TJP2: variants seen among roughly 807,000 people sequenced by gnomAD.
The protein encoded by TJP2 is Friedreich ataxia region gene X104 (tight junction protein ZO-2).
TJP2 carries 91 observed loss-of-function variants against 133.1 expected under a neutral mutation model. The ratio of observed to expected loss-of-function variants is 0.68; its 90% CI spans 0.58 to 0.81. TJP2 has a LOEUF of 0.81. Among genes scored for constraint, TJP2 ranks in the 40% least tolerant of loss-of-function variants. The probability of loss-of-function intolerance (pLI) is 0.00; values close to 1 mark genes in which losing one functional copy is unlikely to be tolerated. For missense variants in TJP2, 1,541 were observed against 1,565.6 expected (o/e 0.98, Z 0.26); for synonymous variants, 592 against 583.4 (o/e 1.01, Z -0.21).
At chr9:69,209,476 G>A (rs372601234) in intron 1 of TJP2, among the ~76,000 whole-genome samples, 3 of 152,202 alleles carry the variant, frequency 2.0e-5, no homozygotes, top group African/African-American at 7.2e-5. Flanking sequence ...CTTTTTGGCC[G>A]GGCGTAGTGG....
chr9:69,121,336 G>C, upstream of TJP2: 1 of 985,266 alleles, frequency 1.0e-6, no homozygotes, highest in Non-Finnish European at 1.2e-6. Flanking sequence ...GGGCTCGCGC[G>C]CCCAGAACCC....
chr9:69,197,684 T>C (rs1425960864), intron 1 of TJP2, among the ~76,000 whole-genome samples: 1 of 151,442 alleles, frequency 6.6e-6, no homozygotes, highest in Non-Finnish European at 1.5e-5. Flanking sequence ...AGCATTACTT[T>C]ATTCAGTTCT....
intron 1 of TJP2, among the ~76,000 whole-genome samples, chr9:69,149,545 A>G (rs1823370957): frequency 6.6e-6 from 1 of 152,108 alleles, no homozygotes; most frequent in Admixed American, 6.6e-5. Context: ...TTTCTATTTC[A>G]TCGTGTAGGG....
chr9:69,132,413 A>G (rs1822535016), intron 1 of TJP2, among the ~76,000 whole-genome samples: 1 of 152,084 alleles, frequency 6.6e-6, no homozygotes, highest in Non-Finnish European at 1.5e-5. Flanking sequence ...GCAGGTGAGG[A>G]TGGTGGTGGG....
intron 1 of TJP2, among the ~76,000 whole-genome samples, chr9:69,142,396 T>C (rs1223813478): frequency 3.3e-5 from 5 of 152,194 alleles, no homozygotes; most frequent in Non-Finnish European, 7.3e-5. Flanking sequence ...GTAATCTGCT[T>C]TTCTTACAGT....
At chr9:69,184,651 C>T (rs898323993) in intron 1 of TJP2, among the ~76,000 whole-genome samples, 4 of 151,960 alleles carry the variant, frequency 2.6e-5, no homozygotes, top group Non-Finnish European at 4.4e-5. Flanking sequence ...CCTGGGGTTG[C>T]TTTGAGGTGC....
At chr9:69,213,767 G>A (rs1034845292) in intron 2 of TJP2, among the ~76,000 whole-genome samples, 1 of 152,252 alleles carries the variant, frequency 6.6e-6, no homozygotes, top group South Asian at 2.1e-4. Context: ...TGCATTCCTT[G>A]AGTTGTGGAC....
intron 11 of TJP2, 30 bp downstream of exon 11, chr9:69,230,262 G>C (rs752772236): frequency 1.2e-6 from 2 of 1,613,718 alleles, no homozygotes; most frequent in South Asian, 2.2e-5. Flanking sequence ...GTTTCTAGAA[G>C]TTACTTGTAA....
chr9:69,140,226 T>C (rs1251448664), intron 1 of TJP2, among the ~76,000 whole-genome samples: 1 of 152,346 alleles, frequency 6.6e-6, no homozygotes, highest in African/African-American at 2.4e-5. Flanking sequence ...GAAATTAAAA[T>C]ACACTTACAC....
intron 1 of TJP2, among the ~76,000 whole-genome samples, chr9:69,204,179 G>T (rs899407620): frequency 5.3e-5 from 8 of 152,272 alleles, no homozygotes; most frequent in African/African-American, 1.9e-4. Flanking sequence ...TCCAGATCTT[G>T]TGACTTTAAA....
rs542979598 is a variant in TJP2, at chr9:69,122,836, C to T, written c.-131+1111C>T. Among the ~76,000 whole-genome samples, 4 of 152,326 alleles carry T rather than the reference C, an allele frequency of 2.6e-5. No individual in the cohort carries two copies. The East Asian group carries it at 7.7e-4, about 29-fold the overall frequency. On this transcript the variant is annotated intron_variant, in intron 1 of 5. Coordinates refer to the TJP2 transcript ENST00000423935. ...GTCCAGGTTTCTGAACGCATTTCCACAAACGTGGTCGGTAGGTAAGTTAAG... is the reference window on the plus strand; with the variant it reads ...GTCCAGGTTTCTGAACGCATTTCCATAAACGTGGTCGGTAGGTAAGTTAAG...
chr9:69,185,357 C>T (rs1587999547), intron 1 of TJP2, among the ~76,000 whole-genome samples: 2 of 152,174 alleles, frequency 1.3e-5, no homozygotes, highest in South Asian at 2.1e-4. Context: ...CCACCGTGTC[C>T]GACCCAGACT....
intron 1 of TJP2, chr9:69,205,004 C>T: frequency 7.3e-7 from 1 of 1,366,626 alleles, no homozygotes; most frequent in Non-Finnish European, 9.4e-7. Flanking sequence ...CGTTTGGCAT[C>T]CCTGCCATAT....
intron 1 of TJP2, among the ~76,000 whole-genome samples, chr9:69,137,210 T>G (rs1420695008): frequency 2.1e-5 from 1 of 46,744 alleles, no homozygotes; most frequent in Non-Finnish European, 4.5e-5. Context: ...GATCATGAGC[T>G]TCTTTGTTTT....
At chr9:69,129,525 A>G (rs901693197) in intron 1 of TJP2, among the ~76,000 whole-genome samples, 1 of 151,564 alleles carries the variant, frequency 6.6e-6, no homozygotes, top group East Asian at 1.9e-4. Context: ...ACAAAAAAAA[A>G]CCCCGTCAAT....
rs1263036365 is a variant in TJP2 at position 69,174,340 on chromosome 9, G to A, written c.-33G>A. ...GGAGCAGAAGCAGAAGCGGGGTCCG[G>A]AGCTGCGCGCCTACGCGGGACCTGT... On this transcript the variant is annotated 5_prime_UTR_variant, in exon 1 of 23. Transcript: ENST00000377245. 3 of 1,551,208 alleles carry A rather than the reference G, an allele frequency of 1.9e-6. No individual in the cohort carries two copies.
At chr9:69,238,109 C>T in intron 15 of TJP2, 136 bp downstream of exon 15, 1 of 696,646 alleles carries the variant, frequency 1.4e-6, no homozygotes, top group Non-Finnish European at 2.6e-6. Flanking sequence ...CACGCATTTT[C>T]TCTCACCCAC....
At chr9:69,222,669 T>G (rs544305830) in intron 5 of TJP2, among the ~76,000 whole-genome samples, 2 of 152,256 alleles carry the variant, frequency 1.3e-5, no homozygotes, top group East Asian at 3.9e-4. Flanking sequence ...GGCTTCAGAA[T>G]TTTGGCTTTA....
In TJP2 at chr9:69,229,096, C is replaced by T. The variant is rs1427981458; in HGVS notation, c.1454-88C>T. On this transcript the variant is annotated intron_variant, in intron 9 of 22. Transcript: ENST00000377245. ...TGGTGACATATGTGGCATAGACTTA[C>T]ATTTTTTGTGGATTTTGTGATTTTT... 6.3e-6 allele frequency: 8 copies of T among 1,270,662 alleles called. No individual in the cohort carries two copies. In the African/African-American group the frequency reaches 1.2e-4, roughly 19 times the overall value. 78.7% of individuals were successfully genotyped at this position (1,270,662 alleles called of 1,614,324 possible).
Sources: allele counts gnomAD v4.1 joint callset (sites outside exome capture counted in the v4.1 genomes callset), GRCh38; gene constraint gnomAD v4.1.1; transcripts MANE v1.5; gene names NCBI Gene and HGNC (gene_info 2026-07-23, HGNC 2026-07-21).